Variants in MYH9 observed in about 807,000 individuals in gnomAD.
The protein encoded by MYH9 is myosin heavy chain 9.
A neutral mutation model predicts 241.9 loss-of-function variants in MYH9; 29 were observed. That is an observed-to-expected ratio of 0.12 (90% CI 0.09 to 0.16). The LOEUF is 0.16. MYH9 is among the 10% of genes least tolerant of loss of function. MYH9 has a pLI of 1.00. For missense variants in MYH9, 1,803 were observed against 2,595.5 expected, an observed-to-expected ratio of 0.69 and a Z score of 6.63; for synonymous variants, 1,047 against 1,062.6, an observed-to-expected ratio of 0.99 and a Z score of 0.29.
chr22:36,352,557 A>C (rs1321959852), intron 1 of MYH9, among the ~76,000 whole-genome samples: 1 of 152,202 alleles, frequency 6.6e-6, no homozygotes, highest in African/African-American at 2.4e-5. Context: ...GGAGGGTCAC[A>C]AACATCACAC....
At chr22:36,342,927 G>C (rs571124900) in intron 2 of MYH9, among the ~76,000 whole-genome samples, 5 of 152,186 alleles carry the variant, frequency 3.3e-5, no homozygotes, top group African/African-American at 1.2e-4. Context: ...CCAGTTCTCC[G>C]AGCTCCTTCC....
chr22:36,316,355 GA>G lies in MYH9; in HGVS notation c.1380+161del, dbSNP rs67607973. The stretch of plus-strand genomic sequence containing the variant: ...AGCCGAGACCCTATCTTTTAAAAAA[GA>G]AAAAAAAAAAAACAACCCCACACCC... On this transcript the variant is annotated intron_variant, in intron 12 of 40. Transcript: ENST00000216181. Among the ~76,000 whole-genome samples the G allele has an allele frequency of 0.55, 76,220 of 138,490 alleles. 22,364 individuals carry two copies. Among genetic ancestry groups the G allele is most frequent in the Non-Finnish European group, 0.68 (44,816 of 65,592 alleles). 90.9% of individuals were successfully genotyped at this position (138,490 alleles called of 152,430 possible). A position where few individuals can be genotyped will look rare whatever the true frequency, so the allele number is the denominator to read the frequency against.
At position 36,291,982 on chromosome 22, in the gene MYH9, A is replaced by G. The variant is rs1362586891; in HGVS notation, c.4344+4T>C. On this transcript the variant is annotated splice_donor_region_variant and intron_variant, in intron 31 of 40. Coordinates refer to ENST00000216181, the MANE Select transcript of MYH9 (RefSeq NM_002473.6). ...TGCAAAGGATGGGGCCAACGGCCAC[A>G]CACCTGGTCAAACTTCTTCTGCTTC... 5 of 1,614,166 alleles carry G rather than the reference A, an allele frequency of 3.1e-6. No homozygotes were observed. The highest frequency in any genetic ancestry group is 4.2e-6 in the Non-Finnish European group (5 of 1,180,036).
rs1399278396 is a variant in MYH9 at position 36,309,180 on chromosome 22, G to A, written c.1843+102C>T. 11 of 972,018 alleles carry A rather than the reference G, an allele frequency of 1.1e-5. No homozygotes were observed. In the East Asian group the frequency reaches 1.5e-4, roughly 13 times the overall value. 60.2% of individuals were successfully genotyped at this position (972,018 alleles called of 1,614,324 possible). On this transcript the variant is annotated intron_variant, in intron 15 of 40. Transcript: ENST00000216181. ...GAGACCACCTGGCCTATGTCAGGGG[G>A]CACATGTGTACCCCTTGTTTGGCAG...
chr22:36,284,656 C>T (rs1482164297), intron 38 of MYH9, 145 bp from the exon 39 acceptor site: 7 of 775,898 alleles, frequency 9.0e-6, no homozygotes, highest in Non-Finnish European at 1.3e-5. Context: ...CCTATGTGTA[C>T]CCGGCTTCTT....
chr22:36,290,035 C>A (rs1197436087), intron 31 of MYH9, among the ~76,000 whole-genome samples: 2 of 152,180 alleles, frequency 1.3e-5, no homozygotes, highest in African/African-American at 4.8e-5. Flanking sequence ...CCGATGTCTT[C>A]TACTGTTCTA....
chr22:36,350,009 G>A (rs1358573047), intron 1 of MYH9, among the ~76,000 whole-genome samples: 2 of 152,154 alleles, frequency 1.3e-5, no homozygotes, highest in East Asian at 1.9e-4. Flanking sequence ...AGTCAACTAA[G>A]ACAAGAGAAG....
intron 23 of MYH9, 104 bp from the exon 24 acceptor site, chr22:36,299,146 G>A (rs2016835313): frequency 2.1e-6 from 3 of 1,421,100 alleles, no homozygotes; most frequent in South Asian, 1.2e-5. Context: ...AATGGAGAGG[G>A]CTTTAGACGC....
At chr22:36,308,734 C>G in intron 15 of MYH9, 1 of 875,766 alleles carries the variant, frequency 1.1e-6, no homozygotes, top group Non-Finnish European at 1.4e-6. Flanking sequence ...GCGAGAAAAC[C>G]TAGGCAGAAG....
chr22:36,285,256 AGCTGCTGCC>A lies in MYH9; in HGVS notation c.5339_5347del (p.Arg1780_Gln1782del). 6.2e-7 allele frequency: 1 copy of A among 1,614,086 alleles called. No homozygotes were observed. The highest frequency in any genetic ancestry group is 8.5e-7 in the Non-Finnish European group (1 of 1,180,022). On this transcript the variant is annotated inframe_deletion, in exon 38 of 41. Coordinates refer to ENST00000216181, the MANE Select transcript of MYH9 (RefSeq NM_002473.6). The surrounding 1 kb of genome is among the most constrained non-coding windows in gnomAD (Gnocchi z 7.0). ...CTTAAGCTCCTTGTTCTGGCGTTCC[AGCTGCTGCC>A]GAGCATTCTCGTTCTTCTGGGCGTG... is the stretch of plus-strand genomic sequence containing the variant.
At chr22:36,375,419 C>A (rs1269180822) in intron 1 of MYH9, among the ~76,000 whole-genome samples, 1 of 152,212 alleles carries the variant, frequency 6.6e-6, no homozygotes, top group Non-Finnish European at 1.5e-5. Flanking sequence ...GACCTGGCAA[C>A]CCCGCTGTGG....
intron 34 of MYH9, among the ~76,000 whole-genome samples, chr22:36,287,559 T>C (rs570491687): frequency 1.3e-5 from 2 of 152,134 alleles, no homozygotes; most frequent in South Asian, 2.1e-4. Context: ...CTGGCTAACA[T>C]GGTGAAACCC....
chr22:36,374,600 C>T (rs1224740577), intron 1 of MYH9, among the ~76,000 whole-genome samples: 3 of 152,172 alleles, frequency 2.0e-5, no homozygotes, highest in African/African-American at 7.2e-5. Context: ...AATCTCATCC[C>T]AAGTCCTTTG....
At chr22:36,369,272 G>A (rs988441260) in intron 1 of MYH9, among the ~76,000 whole-genome samples, 6 of 152,198 alleles carry the variant, frequency 3.9e-5, no homozygotes, top group African/African-American at 1.4e-4. Context: ...TAGAGTTCAG[G>A]GGAAGACGTT....
intron 1 of MYH9, among the ~76,000 whole-genome samples, chr22:36,373,164 A>G (rs1300014798): frequency 1.3e-5 from 2 of 152,164 alleles, no homozygotes; most frequent in Admixed American, 1.3e-4. Flanking sequence ...ATCCTGGAAA[A>G]GGCAGGGGCC....
intron 3 of MYH9, 51 bp from the exon 4 acceptor site, chr22:36,327,539 C>T (rs1403939811): frequency 1.9e-6 from 3 of 1,609,024 alleles, no homozygotes; most frequent in Non-Finnish European, 2.6e-6. Flanking sequence ...AAAAGCCTCC[C>T]CACCTTGCTC....
intron 1 of MYH9, among the ~76,000 whole-genome samples, chr22:36,362,737 A>C (rs2017953681): frequency 1.3e-5 from 2 of 152,138 alleles, no homozygotes; most frequent in Non-Finnish European, 2.9e-5. Flanking sequence ...CAGCCTTCCA[A>C]AGCGCTGGGA....
chr22:36,285,837 C>T lies in MYH9; in HGVS notation c.5150+28G>A, dbSNP rs771406524. ...TACCCTGGGGACACACCTGGTCCCCCCCAACTCTGCCCCCTCACTCAGCTC... is the reference window on the plus strand; with the variant it reads ...TACCCTGGGGACACACCTGGTCCCCTCCAACTCTGCCCCCTCACTCAGCTC... On this transcript the variant is annotated intron_variant, in intron 36 of 40. Coordinates refer to ENST00000216181, the MANE Select transcript of MYH9 (RefSeq NM_002473.6). The surrounding 1 kb of genome is among the most constrained non-coding windows in gnomAD (Gnocchi z 7.0). 8 of 1,613,554 alleles carry T rather than the reference C, an allele frequency of 5.0e-6. No homozygotes were observed. The highest frequency in any genetic ancestry group is 1.1e-5 in the South Asian group (1 of 91,070).
At position 36,320,975 on chromosome 22, in the gene MYH9, CAG is replaced by C. The variant is rs2017241599; in HGVS notation, c.770-81_770-80del. The C allele has an allele frequency of 3.4e-6, 4 of 1,161,850 alleles. No homozygotes were observed. The highest frequency in any genetic ancestry group is 1.6e-5 in the African/African-American group (1 of 63,366). The allele number at this position is 1,161,850 out of a possible 1,614,324, so 72.0% of individuals were successfully genotyped here. On this transcript the variant is annotated intron_variant, in intron 7 of 40. Coordinates refer to ENST00000216181, the MANE Select transcript of MYH9 (RefSeq NM_002473.6). This position sits in a 1 kb window ranked among gnomAD's most constrained non-coding sequence, Gnocchi z 4.8. ...TTCCTCATTTTTTTTTTTTTGGAGA[CAG>C]AGTCTCGCTCTGTCACCCAGGTTGG...
Sources: gnomAD v4.1 joint callset for allele counts (sites outside exome capture counted in the v4.1 genomes callset) on GRCh38, gnomAD v4.1.1 for gene constraint, Gnocchi (gnomAD v3.1) non-coding constraint, MANE v1.5 for transcripts, NCBI Gene and HGNC (gene_info 2026-07-23, HGNC 2026-07-21) for gene names.